The following KCND3 variants were observed in gnomAD, a reference collection of about 807,000 sequenced individuals.
KCND3 encodes potassium voltage-gated channel subfamily D member 3.
Under a neutral mutation model 51.1 loss-of-function variants are expected in KCND3, and 9 were observed. The ratio of observed to expected loss-of-function variants is 0.18; its 90% confidence interval spans 0.11 to 0.31. The LOEUF (loss-of-function observed/expected upper bound fraction) is 0.31, where lower values mean the gene tolerates loss of function less well. Among genes scored for constraint, KCND3 ranks in the 10% least tolerant of loss-of-function variants. KCND3 has a pLI of 1.00. For synonymous variants in KCND3, 349 were observed against 368.0 expected (o/e 0.95, Z 0.59); for missense variants, 526 against 903.8 (o/e 0.58, Z 5.36).
At chr1:111,860,827 T>C (rs564546975) in intron 2 of KCND3, among the ~76,000 whole-genome samples, 2 of 152,242 alleles carry the variant, frequency 1.3e-5, no homozygotes, top group Non-Finnish European at 2.9e-5. Flanking sequence ...TGTCAGCTAA[T>C]GTGGGTTCTT....
At chr1:111,941,866 G>A (rs1251441980) in intron 2 of KCND3, among the ~76,000 whole-genome samples, 5 of 152,182 alleles carry the variant, frequency 3.3e-5, no homozygotes, top group Non-Finnish European at 7.3e-5. Context: ...TCCCTAGGGC[G>A]GGGCGCAAGA....
chr1:111,851,850 G>T (rs1238535446), intron 2 of KCND3, among the ~76,000 whole-genome samples: 1 of 152,214 alleles, frequency 6.6e-6, no homozygotes, highest in Non-Finnish European at 1.5e-5. Flanking sequence ...GGATTCTCCA[G>T]GAGAGACTCC....
intron 2 of KCND3, among the ~76,000 whole-genome samples, chr1:111,789,311 G>A (rs145042877): frequency 7.9e-5 from 12 of 152,310 alleles, no homozygotes; most frequent in East Asian, 5.8e-4. Flanking sequence ...ACTCCCAGGC[G>A]TCCTCTGCCT....
At chr1:111,901,094 A>C (rs1442480091) in intron 2 of KCND3, among the ~76,000 whole-genome samples, 1 of 152,270 alleles carries the variant, frequency 6.6e-6, no homozygotes, top group Non-Finnish European at 1.5e-5. Context: ...AGTATAAGGT[A>C]GTTATTATTG....
intron 2 of KCND3, among the ~76,000 whole-genome samples, chr1:111,899,934 C>CTT (rs1033600650): frequency 5.9e-5 from 9 of 152,264 alleles, no homozygotes; most frequent in Admixed American, 5.2e-4. Flanking sequence ...TCCCAGGACT[C>CTT]TCTGCAACAT....
At chr1:111,819,872 C>T (rs1666271217) in intron 2 of KCND3, among the ~76,000 whole-genome samples, 1 of 152,172 alleles carries the variant, frequency 6.6e-6, no homozygotes, top group Non-Finnish European at 1.5e-5. Context: ...TCCAAGGATG[C>T]TTTCCACCAC....
chr1:111,897,149 GC>G (rs1016223456), intron 2 of KCND3, among the ~76,000 whole-genome samples: 3 of 152,196 alleles, frequency 2.0e-5, no homozygotes, highest in African/African-American at 7.2e-5. Flanking sequence ...TACAGCGCTG[GC>G]CCTGCCCATG....
intron 2 of KCND3, among the ~76,000 whole-genome samples, chr1:111,893,016 G>A (rs1016020470): frequency 2.6e-5 from 4 of 152,164 alleles, no homozygotes; most frequent in Admixed American, 1.3e-4. Context: ...TTGCTTAAGC[G>A]ATGACCTGAA....
intron 2 of KCND3, among the ~76,000 whole-genome samples, chr1:111,896,981 C>T (rs939084093): frequency 6.6e-6 from 1 of 152,254 alleles, no homozygotes; most frequent in Non-Finnish European, 1.5e-5. Context: ...TGACCACCAT[C>T]ACTGCCCCAC....
intron 2 of KCND3, among the ~76,000 whole-genome samples, chr1:111,978,918 AC>A (rs1033202913): frequency 6.6e-6 from 1 of 152,208 alleles, no homozygotes; most frequent in Non-Finnish European, 1.5e-5. Context: ...TCAACTGCCA[AC>A]TCAGGTCAAA....
At position 111,773,491 on chromosome 1, in the gene KCND3, G is replaced by A. The variant is rs574305881; in HGVS notation, c.*2586C>T. ...GGCTGGAGTGCAGTGGTGCAATCAC[G>A]GCTCACTGCAACCTCTGCCTCCTGG... On this transcript the variant is annotated 3_prime_UTR_variant, in exon 8 of 8. Transcript: ENST00000302127. 8.5e-4 allele frequency: 117 copies of A among 137,802 alleles called. No individual in the cohort carries two copies. Among genetic ancestry groups the A allele is most frequent in the African/African-American group, 3.1e-3 (113 of 36,180 alleles). 8.5% of individuals were successfully genotyped at this position (137,802 alleles called of 1,614,324 possible).
In KCND3 at chr1:111,777,043, C is replaced by G; in HGVS notation, c.1749G>C (p.Gln583His). The G allele has an allele frequency of 1.2e-6, 2 of 1,613,590 alleles. No homozygotes were observed. Among genetic ancestry groups the G allele is most frequent in the Non-Finnish European group, 1.7e-6 (2 of 1,179,864 alleles). ...CCACCCACCTGGTTGTGAGGGAGGG[C>G]TGCTCACTGCCCTGGATGTGGATCG... is the stretch of plus-strand genomic sequence containing the variant. The part of the protein sequence containing the change: ...LSTIHIQGSE[Q>H]PSLTTSRSSL... The change falls in exon 7 of 8, where the codon CAG becomes CAC. Residue 583 changes from glutamine to histidine, a missense_variant. This residue lies in a region of KCND3 where 266 missense variants were observed against 305.5 expected (regional missense o/e 0.87). Transcript: ENST00000302127.
At chr1:111,954,269 T>A (rs976976540) in intron 2 of KCND3, among the ~76,000 whole-genome samples, 1 of 152,222 alleles carries the variant, frequency 6.6e-6, no homozygotes, top group Non-Finnish European at 1.5e-5. Context: ...ATCTGCTTCC[T>A]GTTGGGACCC....
chr1:111,960,006 T>G (rs1673552522), intron 2 of KCND3, among the ~76,000 whole-genome samples: 1 of 151,312 alleles, frequency 6.6e-6, no homozygotes. Context: ...TGCTCAGCAC[T>G]CACTCTTCTC....
chr1:111,802,070 T>C (rs376866088), intron 2 of KCND3, among the ~76,000 whole-genome samples: 3 of 152,246 alleles, frequency 2.0e-5, no homozygotes, highest in African/African-American at 7.2e-5. Flanking sequence ...AACAATGGAA[T>C]AGCAATAAAC....
At chr1:111,789,477 A>G (rs1323017596) in intron 2 of KCND3, among the ~76,000 whole-genome samples, 1 of 152,224 alleles carries the variant, frequency 6.6e-6, no homozygotes, top group Non-Finnish European at 1.5e-5. Flanking sequence ...CACCCGGGAG[A>G]CAGGAGGAAT....
intron 2 of KCND3, among the ~76,000 whole-genome samples, chr1:111,841,884 T>G (rs1667335064): frequency 6.6e-6 from 1 of 152,180 alleles, no homozygotes; most frequent in African/African-American, 2.4e-5. Context: ...AGAAGGATGG[T>G]CAGGTTGGCA....
chr1:111,863,582 G>A (rs193172472), intron 2 of KCND3, among the ~76,000 whole-genome samples: 316 of 152,308 alleles, frequency 2.1e-3, no homozygotes, highest in African/African-American at 7.2e-3. Context: ...AACAGCCACC[G>A]ATTTGCTCTG....
chr1:111,850,893 C>T lies in KCND3; in HGVS notation c.1107-63787G>A, dbSNP rs553553263. 2.4e-4 allele frequency among the ~76,000 whole-genome samples: 37 copies of T among 152,340 alleles called. 1 individual carries two copies. The highest frequency in any genetic ancestry group is 2.2e-3 in the Admixed American group (34 of 15,304). ...CTGAGCATGTCTCTCACATGAGAAA[C>T]CCCGTGTGGGGTTTACTCTCTGTAA... On this transcript the variant is annotated intron_variant, in intron 2 of 7. Transcript: ENST00000302127.
Sources: allele counts gnomAD v4.1 joint callset (sites outside exome capture counted in the v4.1 genomes callset), GRCh38; gene constraint gnomAD v4.1.1; regional missense constraint gnomAD v4.1.1; transcripts MANE v1.5; gene names NCBI Gene and HGNC (gene_info 2026-07-23, HGNC 2026-07-21).